The following CTNNA3 variants were observed in gnomAD, a reference collection of about 807,000 sequenced individuals.
CTNNA3 encodes catenin alpha 3, also known as catenin alpha-3.
Under a neutral mutation model 95.7 loss-of-function variants are expected in CTNNA3, and 76 were observed. That is an observed-to-expected ratio of 0.79 (90% confidence interval 0.66 to 0.96). The LOEUF is 0.96. Ranked by LOEUF, CTNNA3 falls within the 40% of genes least tolerant of loss-of-function variation. CTNNA3 has a pLI of 0.00. For synonymous variants in CTNNA3, 431 were observed against 374.4 expected (o/e 1.15, Z -1.74); for missense variants, 1,191 against 1,089.8 (o/e 1.09, Z -1.31).
At chr10:67,236,895 G>A (rs1390065120) in intron 5 of CTNNA3, among the ~76,000 whole-genome samples, 1 of 151,066 alleles carries the variant, frequency 6.6e-6, no homozygotes, top group African/African-American at 2.4e-5. Context: ...ATGTAAACTA[G>A]TACAGCCACT....
intron 7 of CTNNA3, among the ~76,000 whole-genome samples, chr10:67,124,964 G>A (rs975014572): frequency 5.9e-5 from 9 of 152,116 alleles, no homozygotes; most frequent in African/African-American, 2.2e-4. Context: ...CAGACAGGAG[G>A]CTTGGGAAAA....
At chr10:66,458,179 A>G (rs747649556) in intron 11 of CTNNA3, among the ~76,000 whole-genome samples, 20 of 152,296 alleles carry the variant, frequency 1.3e-4, no homozygotes, top group Non-Finnish European at 2.8e-4. Flanking sequence ...TGTTTGTAAT[A>G]GCTCTATTAT....
chr10:66,902,810 C>T (rs1845810204), intron 7 of CTNNA3, among the ~76,000 whole-genome samples: 1 of 152,142 alleles, frequency 6.6e-6, no homozygotes, highest in Non-Finnish European at 1.5e-5. Flanking sequence ...CACATACACC[C>T]TCCCAAGACT....
At chr10:66,658,297 G>C (rs1317596688) in intron 9 of CTNNA3, among the ~76,000 whole-genome samples, 1 of 151,366 alleles carries the variant, frequency 6.6e-6, no homozygotes. Context: ...TGAAGAGCTA[G>C]ATTGGATACT....
At chr10:67,699,768 G>A (rs907922084), upstream of CTNNA3, among the ~76,000 whole-genome samples, 4 of 152,208 alleles carry the variant, frequency 2.6e-5, no homozygotes, top group African/African-American at 9.6e-5. Flanking sequence ...CCAGACAGTG[G>A]GCGCAGGACA....
Position 65,968,826 on chromosome 10 carries a change from A to G in CTNNA3, c.2266-2080T>C, listed in dbSNP as rs546928844. On this transcript the variant is annotated intron_variant, in intron 16 of 17. Transcript: ENST00000433211. ...GAGGACAAGAAAGCTTCCCAGCTCCATATCTAGGCACACCTCTTGGTGTTT... is the reference window on the plus strand; with the variant it reads ...GAGGACAAGAAAGCTTCCCAGCTCCGTATCTAGGCACACCTCTTGGTGTTT... Among the ~76,000 whole-genome samples, 7 of 152,302 alleles carry G rather than the reference A, an allele frequency of 4.6e-5. No homozygotes were observed. The South Asian group carries it at 1.5e-3, about 32-fold the overall frequency.
chr10:66,704,088 A>G (rs1848040909), intron 9 of CTNNA3, among the ~76,000 whole-genome samples: 1 of 152,066 alleles, frequency 6.6e-6, no homozygotes, highest in African/African-American at 2.4e-5. Context: ...GTTCACTGCA[A>G]TGGTAATGGA....
At position 66,282,741 on chromosome 10, in the gene CTNNA3, A is replaced by C. The variant is rs548629396; in HGVS notation, c.1733-2120T>G. 8.6e-5 allele frequency among the ~76,000 whole-genome samples: 13 copies of C among 151,978 alleles called. No homozygotes were observed. In the East Asian group the frequency reaches 2.5e-3, roughly 29 times the overall value. On this transcript the variant is annotated intron_variant, in intron 12 of 17. Transcript: ENST00000433211. ...AGCATTAAGTATTATAGTATCTCTC[A>C]AATGATGGACACTCAATAAGTTGTT...
At chr10:66,859,801 T>G (rs1589344718) in intron 7 of CTNNA3, among the ~76,000 whole-genome samples, 1 of 128,968 alleles carries the variant, frequency 7.8e-6, no homozygotes, top group African/African-American at 3.0e-5. Context: ...ATTAAGAAAA[T>G]GTGGCACATA....
At chr10:65,967,736 T>C (rs2133260229) in intron 16 of CTNNA3, among the ~76,000 whole-genome samples, 1 of 152,292 alleles carries the variant, frequency 6.6e-6, no homozygotes. Context: ...CCATGGTAAA[T>C]AGCTTTGGTT....
At chr10:66,078,738 T>C (rs545049788) in intron 14 of CTNNA3, among the ~76,000 whole-genome samples, 2 of 152,062 alleles carry the variant, frequency 1.3e-5, no homozygotes, top group South Asian at 2.1e-4. Flanking sequence ...TGGTTCCTCG[T>C]TCCAGAATGC....
At chr10:66,554,694 A>C (rs189957464) in intron 10 of CTNNA3, among the ~76,000 whole-genome samples, 1 of 152,216 alleles carries the variant, frequency 6.6e-6, no homozygotes, top group African/African-American at 2.4e-5. Flanking sequence ...TGGTCCTTTT[A>C]AAAAATGTAG....
At chr10:67,022,179 C>G (rs1289851974) in intron 7 of CTNNA3, among the ~76,000 whole-genome samples, 2 of 152,022 alleles carry the variant, frequency 1.3e-5, no homozygotes, top group Non-Finnish European at 2.9e-5. Context: ...GAGAAGACAA[C>G]TTTGGAAAGA....
intron 17 of CTNNA3, among the ~76,000 whole-genome samples, chr10:65,920,916 TAAATC>T (rs2077076740): frequency 6.6e-6 from 1 of 152,216 alleles, no homozygotes; most frequent in African/African-American, 2.4e-5. Context: ...TGCCCAAACA[TAAATC>T]AATAAGTTCT....
At chr10:66,445,263 C>G (rs7092414) in intron 11 of CTNNA3, among the ~76,000 whole-genome samples, 1 of 151,420 alleles carries the variant, frequency 6.6e-6, no homozygotes, top group South Asian at 2.1e-4. Context: ...GACAGATTAA[C>G]GAGACAGAAA....
rs758842998 is a variant in CTNNA3, at chr10:65,920,364, A to G, written c.2654T>C (p.Val885Ala). 3 of 1,613,926 alleles carry G rather than the reference A, an allele frequency of 1.9e-6. No homozygotes were observed. The Admixed American group carries it at 5.0e-5, about 27-fold the overall frequency. ...TTGTCTTCCTCTAAATTCACTCATG[A>G]CTTGCAATGGATGGATTTTTTTCTT... ...SAKKKIHPLQ[V>A]MSEFRGRQIY Residue 885 changes from valine to alanine, a missense_variant, in exon 18 of 18, where the codon GTC becomes GCC. Coordinates refer to ENST00000433211, the MANE Select transcript of CTNNA3 (RefSeq NM_013266.4).
intron 4 of CTNNA3, among the ~76,000 whole-genome samples, chr10:67,536,639 A>T (rs915987828): frequency 6.6e-6 from 1 of 152,150 alleles, no homozygotes; most frequent in African/African-American, 2.4e-5. Flanking sequence ...CAGGATTAAT[A>T]TACTATGGAA....
At chr10:67,641,188 T>C (rs1444678950) in intron 2 of CTNNA3, among the ~76,000 whole-genome samples, 1 of 152,000 alleles carries the variant, frequency 6.6e-6, no homozygotes, top group Non-Finnish European at 1.5e-5. Flanking sequence ...CATCAAAAAG[T>C]GGGCAAAGGA....
Position 66,593,662 on chromosome 10 carries a change from T to C in CTNNA3, c.1374+28030A>G, listed in dbSNP as rs1843622843. On this transcript the variant is annotated intron_variant, in intron 10 of 17. Transcript: ENST00000433211. The stretch of plus-strand genomic sequence containing the variant: ...AAAGTCACATTGAATCAAAGTGTTT[T>C]TATTACTTCTGTTTGTGACCAAAAT... 3.3e-5 allele frequency among the ~76,000 whole-genome samples: 5 copies of C among 152,126 alleles called. No homozygotes were observed. The South Asian group carries it at 1.0e-3, about 31-fold the overall frequency.
Sources: gnomAD v4.1 joint callset for allele counts (sites outside exome capture counted in the v4.1 genomes callset) on GRCh38, gnomAD v4.1.1 for gene constraint, MANE v1.5 for transcripts, NCBI Gene and HGNC (gene_info 2026-07-23, HGNC 2026-07-21) for gene names.